The following ACOT11 variants were observed in gnomAD, a reference collection of about 807,000 sequenced individuals.
The protein encoded by ACOT11 is acyl-coenzyme A thioesterase 11.
A neutral mutation model predicts 77.5 loss-of-function variants in ACOT11; 69 were observed. That is an observed-to-expected ratio of 0.89 (90% confidence interval 0.73 to 1.09). The LOEUF (loss-of-function observed/expected upper bound fraction) is 1.09, where lower values mean the gene tolerates loss of function less well. Ranked by LOEUF, ACOT11 falls within the 50% of genes least tolerant of loss-of-function variation. ACOT11 has a pLI of 0.00. For synonymous variants in ACOT11, 279 were observed against 313.0 expected (o/e 0.89, Z 1.15); for missense variants, 766 against 813.7 (o/e 0.94, Z 0.71).
At chr1:54,611,787 C>A, downstream of ACOT11, 1 of 1,610,658 alleles carries the variant, frequency 6.2e-7, no homozygotes, top group Non-Finnish European at 8.5e-7. Context: ...CTGGGCCCAG[C>A]AAGACCCTCA....
chr1:54,616,055 T>TG (rs1644169554), intron 15 of ACOT11: 1 of 1,614,056 alleles, frequency 6.2e-7, no homozygotes, highest in Non-Finnish European at 8.5e-7. Flanking sequence ...GTCCAGCCAC[T>TG]GCTCCAGTGT....
chr1:54,555,747 T>G (rs145471260), intron 1 of ACOT11, among the ~76,000 whole-genome samples: 16 of 152,066 alleles, frequency 1.1e-4, no homozygotes, highest in African/African-American at 3.9e-4. Flanking sequence ...TTATTTTTTA[T>G]TTTTTATTTT....
intron 1 of ACOT11, chr1:54,548,595 G>T: frequency 3.5e-6 from 2 of 575,666 alleles, no homozygotes; most frequent in Non-Finnish European, 6.2e-6. Context: ...CCTTCAGCAA[G>T]TGTCGGCCTC....
chr1:54,623,481 G>A (rs1417540773), intron 15 of ACOT11: 3 of 985,776 alleles, frequency 3.0e-6, no homozygotes, highest in Non-Finnish European at 3.2e-6. Context: ...TGGGAGGCAG[G>A]AGCTCCCAGC....
intron 1 of ACOT11, chr1:54,573,143 T>C: frequency 2.0e-6 from 2 of 985,382 alleles, no homozygotes; most frequent in Non-Finnish European, 2.4e-6. Context: ...TGGCCTAGCA[T>C]GTCTGGTTAA....
At chr1:54,631,194 T>C (rs1188456156) in intron 16 of ACOT11, among the ~76,000 whole-genome samples, 1 of 152,146 alleles carries the variant, frequency 6.6e-6, no homozygotes, top group African/African-American at 2.4e-5. Context: ...GAGCAGCGCC[T>C]TGAGCGACGT....
rs930586718 is a variant in ACOT11, at chr1:54,609,964, C to T, written c.*852C>T. 4.4e-6 allele frequency: 7 copies of T among 1,590,876 alleles called. No individual in the cohort carries two copies. In the African/African-American group the frequency reaches 6.7e-5, roughly 15 times the overall value. ...TGTCTGGAAGAGGCGGCAGAGGCAA[C>T]AGTGTTTAGGATTTGGGTTATCATA... On this transcript the variant is annotated 3_prime_UTR_variant, in exon 16 of 16. Coordinates refer to ENST00000343744, the MANE Select transcript of ACOT11 (RefSeq NM_147161.4).
chr1:54,563,143 G>A (rs1036841059), intron 1 of ACOT11, among the ~76,000 whole-genome samples: 3 of 152,226 alleles, frequency 2.0e-5, no homozygotes, highest in African/African-American at 7.2e-5. Context: ...CGGCGGCAAA[G>A]ACTCTGATTT....
intron 1 of ACOT11, among the ~76,000 whole-genome samples, chr1:54,554,613 G>T (rs1653197745): frequency 6.6e-6 from 1 of 151,610 alleles, no homozygotes; most frequent in South Asian, 2.1e-4. Context: ...CCCCTTGGCT[G>T]TTGGGATTGC....
rs539580100 is a variant in ACOT11, at chr1:54,622,231, A to G, written c.1630-8503A>G. Among the ~76,000 whole-genome samples, 302 of 141,588 alleles carry G rather than the reference A, an allele frequency of 2.1e-3. 1 individual carries two copies. The highest frequency in any genetic ancestry group is 7.7e-3 in the African/African-American group (293 of 37,882). 92.9% of individuals were successfully genotyped at this position (141,588 alleles called of 152,430 possible). A position where few individuals can be genotyped will look rare whatever the true frequency, so the allele number is the denominator to read the frequency against. On this transcript the variant is annotated intron_variant, in intron 15 of 16. Transcript: ENST00000371316. ...GTGGAGGTTGCAGTGAGCCGATATC[A>G]TGTCACCGCACTCTAGGCTGAGTGA...
chr1:54,563,068 C>A (rs1278982576), intron 1 of ACOT11, among the ~76,000 whole-genome samples: 1 of 151,468 alleles, frequency 6.6e-6, no homozygotes, highest in East Asian at 1.9e-4. Context: ...CTGCTCCTTG[C>A]CCTCGGGCCC....
At chr1:54,619,790 T>A in intron 15 of ACOT11, 1 of 1,502,752 alleles carries the variant, frequency 6.7e-7, no homozygotes, top group Admixed American at 1.7e-5. Flanking sequence ...GACCAGTGTC[T>A]GATCCTCACT....
At chr1:54,599,014 C>T (rs568809895) in intron 7 of ACOT11, among the ~76,000 whole-genome samples, 85 of 145,102 alleles carry the variant, frequency 5.9e-4, no homozygotes, top group Admixed American at 1.4e-3. Flanking sequence ...GGCATGGTGG[C>T]GGACACCTGT....
intron 16 of ACOT11, chr1:54,634,552 G>T (rs563486123): frequency 3.7e-6 from 2 of 543,982 alleles, no homozygotes; most frequent in East Asian, 3.0e-5. Context: ...AACAAAAAAG[G>T]TGGAAAAATA....
rs551425102 is a variant in ACOT11 at position 54,602,836 on chromosome 1, G to A, written c.1085+112G>A. On this transcript the variant is annotated intron_variant, in intron 10 of 15. Coordinates refer to ENST00000343744, the MANE Select transcript of ACOT11 (RefSeq NM_147161.4). ...CTGCCTGTGCGTTGGGCCCTGGGCC[G>A]GGCCCTTTACATCCTCTCGTTTTGG... is the stretch of plus-strand genomic sequence containing the variant. 3.3e-4 allele frequency: 394 copies of A among 1,195,440 alleles called. 1 individual carries two copies. Among genetic ancestry groups the A allele is most frequent in the South Asian group, 7.7e-4 (39 of 50,776 alleles). The allele number at this position is 1,195,440 out of a possible 1,614,324, so 74.1% of individuals were successfully genotyped here.
downstream of ACOT11, among the ~76,000 whole-genome samples, chr1:54,613,426 C>T (rs979495698): frequency 1.6e-4 from 24 of 150,824 alleles, no homozygotes; most frequent in Admixed American, 1.5e-3. Flanking sequence ...CTCCCTCCTT[C>T]CCTCCCTCCC....
At chr1:54,611,070 ACTGTATAAATTC>A, downstream of ACOT11, 1 of 951,714 alleles carries the variant, frequency 1.1e-6, no homozygotes, top group South Asian at 4.9e-5. Flanking sequence ...AAGCTGAGTG[ACTGTATAAATTC>A]CTGAACTGTT....
At chr1:54,628,599 C>A (rs1055323099) in intron 15 of ACOT11, among the ~76,000 whole-genome samples, 2 of 122,884 alleles carry the variant, frequency 1.6e-5, no homozygotes, top group African/African-American at 2.7e-5. Context: ...CATCGCCCCC[C>A]CCCCCCAAAA....
chr1:54,602,004 TC>T (rs1643970366), intron 9 of ACOT11, among the ~76,000 whole-genome samples: 1 of 152,112 alleles, frequency 6.6e-6, no homozygotes, highest in African/African-American at 2.4e-5. Flanking sequence ...TTGGGGGAGG[TC>T]CCCTGGCCTT....
Sources: allele counts gnomAD v4.1 joint callset (sites outside exome capture counted in the v4.1 genomes callset), GRCh38; gene constraint gnomAD v4.1.1; transcripts MANE v1.5; gene names NCBI Gene and HGNC (gene_info 2026-07-23, HGNC 2026-07-21).